The following TCHP variants were observed in gnomAD, a reference collection of about 807,000 sequenced individuals.
The protein encoded by TCHP is trichoplein keratin filament-binding protein.
In TCHP, 81 loss-of-function variants were observed where a neutral mutation model predicts 88.7. The observed-to-expected ratio is 0.91, with a 90% CI of 0.76 to 1.10. The LOEUF is 1.10. Among genes scored for constraint, TCHP ranks in the 50% least tolerant of loss-of-function variants. TCHP has a pLI of 0.00. For synonymous variants in TCHP, 232 were observed against 232.5 expected (o/e 1.00, Z 0.02); for missense variants, 641 against 632.1 (o/e 1.01, Z -0.15).
At chr12:109,913,101 G>T in intron 10 of TCHP, 29 bp downstream of exon 10, 1 of 1,610,512 alleles carries the variant, frequency 6.2e-7, no homozygotes, top group Non-Finnish European at 8.5e-7. Context: ...ATGTGGACCG[G>T]CTGTTGGGTC....
the TCHP span, among the ~76,000 whole-genome samples, chr12:109,884,353 T>TA: frequency 2.0e-5 from 3 of 151,962 alleles, no homozygotes; most frequent in African/African-American, 7.3e-5. Context: ...CACACCCGGC[T>TA]AATTTGTTTG....
Position 109,903,271 on chromosome 12 carries a change from G to A in TCHP, c.188+57G>A, listed in dbSNP as rs1335204253. The A allele has an allele frequency of 2.6e-6, 4 of 1,536,140 alleles. No individual in the cohort carries two copies. The highest frequency in any genetic ancestry group is 3.6e-6 in the Non-Finnish European group (4 of 1,120,660). ...AGTGGGGACCACTTGCTGGTCAGGGGATGAGGCCTTAAGGATTTAGGGAGC... is the reference window on the plus strand; with the variant it reads ...AGTGGGGACCACTTGCTGGTCAGGGAATGAGGCCTTAAGGATTTAGGGAGC... On this transcript the variant is annotated intron_variant, in intron 2 of 12. Coordinates refer to ENST00000405876, the MANE Select transcript of TCHP (RefSeq NM_001143852.2). This position sits in a 1 kb window ranked among gnomAD's most constrained non-coding sequence, Gnocchi z 4.6.
chr12:109,914,630 A>G lies in TCHP; in HGVS notation c.1320+3A>G, dbSNP rs770882065. The G allele has an allele frequency of 1.6e-5, 26 of 1,609,808 alleles. No individual in the cohort carries two copies. The highest frequency in any genetic ancestry group is 2.2e-5 in the Non-Finnish European group (26 of 1,178,914). ...GGAAGCAGGAGCTGGAAGCCCAGGT[A>G]GGGCTGAGCCCAAGGGCGGGAGGCA... On this transcript the variant is annotated splice_donor_region_variant and intron_variant, in intron 11 of 12. Transcript: ENST00000405876.
the TCHP span, among the ~76,000 whole-genome samples, chr12:109,889,342 G>A: frequency 0.055 from 8,419 of 152,020 alleles, 372 homozygotes; most frequent in African/African-American, 0.12. Context: ...GCGTGGTGGC[G>A]GGCGCCTGTA....
chr12:109,899,891 T>C (rs113671523), upstream of TCHP, among the ~76,000 whole-genome samples: 2,652 of 152,138 alleles, frequency 0.017, 79 homozygotes, highest in African/African-American at 0.06. Context: ...CTCGATCTCC[T>C]GGGCTCAACT....
chr12:109,911,512 C>T (rs1870491381), intron 9 of TCHP, among the ~76,000 whole-genome samples: 2 of 149,714 alleles, frequency 1.3e-5, no homozygotes, highest in African/African-American at 4.9e-5. Flanking sequence ...ACTCGGGAGG[C>T]TAAGTGGGAG....
At chr12:109,906,421 C>T (rs1592908216) in intron 4 of TCHP, 151 bp from the exon 5 acceptor site, 4 of 620,438 alleles carry the variant, frequency 6.4e-6, no homozygotes, top group East Asian at 5.6e-5. Flanking sequence ...AGTCACCCCA[C>T]GCTCTCTACT....
At chr12:109,892,657 GC>G in the TCHP span, among the ~76,000 whole-genome samples, 1,174 of 152,290 alleles carry the variant, frequency 7.7e-3, 8 homozygotes, top group African/African-American at 0.027. Context: ...CTGACCTGAT[GC>G]CCCATTTTGG....
At chr12:109,886,127 C>T in the TCHP span, among the ~76,000 whole-genome samples, 5 of 152,046 alleles carry the variant, frequency 3.3e-5, no homozygotes. Context: ...GGGTTACAAT[C>T]CATTACTATT....
intron 12 of TCHP, among the ~76,000 whole-genome samples, chr12:109,916,287 C>T (rs1870813284): frequency 1.3e-5 from 2 of 152,318 alleles, no homozygotes; most frequent in East Asian, 1.9e-4. Flanking sequence ...ATAGGCCACT[C>T]GCCCTCAAAC....
upstream of TCHP, among the ~76,000 whole-genome samples, chr12:109,898,959 T>C (rs749258717): frequency 1.3e-5 from 2 of 152,218 alleles, no homozygotes; most frequent in South Asian, 4.1e-4. Flanking sequence ...GCTGGGAGTA[T>C]AAGCATCTGC....
At chr12:109,882,714 G>A in the TCHP span, among the ~76,000 whole-genome samples, 1 of 147,736 alleles carries the variant, frequency 6.8e-6, no homozygotes, top group African/African-American at 2.5e-5. Flanking sequence ...GAGTACAGTG[G>A]TGGTGCAATC....
upstream of TCHP, among the ~76,000 whole-genome samples, chr12:109,896,684 G>A (rs149682893): frequency 0.027 from 4,142 of 152,110 alleles, 84 homozygotes; most frequent in Middle Eastern, 0.065. Context: ...CGCTTTGGGA[G>A]GTTGATGCCT....
rs1166152372 is a variant in TCHP at position 109,908,929 on chromosome 12, G to C, written c.871G>C (p.Glu291Gln). Residue 291 changes from glutamate (E) to glutamine (Q), a missense_variant, in exon 8 of 13, where the codon GAG becomes CAG. By Grantham distance (29) the Glu-to-Gln change is conservative. Transcript: ENST00000405876. The part of the protein sequence containing the change: ...QLSRRTQQIQ[E>Q]ELEADRRILQ... ...CAGCAGACGCACACAGCAGATCCAA[G>C]AGGAGCTGGTAAGTCTGAAGAGACA... 6.2e-7 allele frequency: 1 copy of C among 1,614,090 alleles called. No homozygotes were observed. Among genetic ancestry groups the C allele is most frequent in the Admixed American group, 1.7e-5 (1 of 60,010 alleles).
At chr12:109,885,478 G>GTT in the TCHP span, among the ~76,000 whole-genome samples, 1,667 of 118,088 alleles carry the variant, frequency 0.014, 21 homozygotes, top group South Asian at 0.025. Flanking sequence ...AAATCTGATG[G>GTT]TTTTTTTTTT....
chr12:109,903,285 G>C lies in TCHP; in HGVS notation c.188+71G>C. On this transcript the variant is annotated intron_variant, in intron 2 of 12. Transcript: ENST00000405876. This position sits in a 1 kb window ranked among gnomAD's most constrained non-coding sequence, Gnocchi z 4.6. ...GCTGGTCAGGGGATGAGGCCTTAAG[G>C]ATTTAGGGAGCGTAGGATTTGCCAG... 1 of 1,432,904 alleles carries C rather than the reference G, an allele frequency of 7.0e-7. No homozygotes were observed. The highest frequency in any genetic ancestry group is 1.4e-5 in the African/African-American group (1 of 71,536). The allele number at this position is 1,432,904 out of a possible 1,614,324, so 88.8% of individuals were successfully genotyped here.
chr12:109,908,699 G>T lies in TCHP; in HGVS notation c.812+1G>T, dbSNP rs1870300317. 1.9e-6 allele frequency: 3 copies of T among 1,591,090 alleles called. No individual in the cohort carries two copies. The highest frequency in any genetic ancestry group is 1.7e-6 in the Non-Finnish European group (2 of 1,169,998). The stretch of plus-strand genomic sequence containing the variant: ...CCTTCCGGCAGAAGGCAGAGCTGGG[G>T]TGTGTGTCAGAAGGGCCCCCCACTC... On this transcript the variant is annotated splice_donor_variant, in intron 7 of 12. Transcript: ENST00000405876. LOFTEE classifies it high-confidence loss of function.
At position 109,907,610 on chromosome 12, in the gene TCHP, G is replaced by C. The variant is rs149507169; in HGVS notation, c.610G>C (p.Ala204Pro). The part of the protein sequence containing the change: ...ARREALERMK[A>P]EEERRQLEDK... ...AAGGGAGGCGCTAGAAAGGATGAAA[G>C]CTGAAGAGGAGAGGAGGCAGCTGGA... Residue 204 changes from alanine to proline, a missense_variant, in exon 6 of 13, where the codon GCT becomes CCT. By Grantham distance (27) the Ala-to-Pro change is conservative. Transcript: ENST00000405876. 13 of 1,614,258 alleles carry C rather than the reference G, an allele frequency of 8.1e-6. No homozygotes were observed. Among genetic ancestry groups the C allele is most frequent in the Middle Eastern group, 1.7e-4 (1 of 6,052 alleles).
At chr12:109,889,748 A>C in the TCHP span, among the ~76,000 whole-genome samples, 1 of 152,178 alleles carries the variant, frequency 6.6e-6, no homozygotes, top group African/African-American at 2.4e-5. Flanking sequence ...GCTATTATGA[A>C]TCGATTTACG....
Sources: gnomAD v4.1 joint callset for allele counts (sites outside exome capture counted in the v4.1 genomes callset) on GRCh38, gnomAD v4.1.1 for gene constraint, Gnocchi (gnomAD v3.1) non-coding constraint, MANE v1.5 for transcripts, NCBI Gene and HGNC (gene_info 2026-07-23, HGNC 2026-07-21) for gene names.